DLGAP2: variants seen among roughly 807,000 people sequenced by gnomAD.
DLGAP2 encodes disks large-associated protein 2.
Under a neutral mutation model 100.3 loss-of-function variants are expected in DLGAP2, and 26 were observed. The observed-to-expected ratio is 0.26, with a 90% CI of 0.19 to 0.36. The LOEUF (loss-of-function observed/expected upper bound fraction) is 0.36, where lower values mean the gene tolerates loss of function less well. Among genes scored for constraint, DLGAP2 ranks in the 10% least tolerant of loss-of-function variants. The pLI is 1.00. For synonymous variants in DLGAP2, 886 were observed against 630.1 expected, an observed-to-expected ratio of 1.41 and a Z score of -6.08; for missense variants, 1,858 against 1,453.2, an observed-to-expected ratio of 1.28 and a Z score of -4.53.
intron 4 of DLGAP2, among the ~76,000 whole-genome samples, chr8:1,546,496 C>G (rs188477004): frequency 1.9e-4 from 29 of 152,358 alleles, no homozygotes; most frequent in African/African-American, 6.3e-4. Flanking sequence ...GCCCAGACGG[C>G]TGGCCGTCCT....
chr8:1,381,576 C>T (rs182819468), intron 3 of DLGAP2, among the ~76,000 whole-genome samples: 4 of 152,242 alleles, frequency 2.6e-5, no homozygotes, highest in African/African-American at 4.8e-5. Flanking sequence ...AGCATCTCCC[C>T]GTTCCGCTTT....
Position 921,716 on chromosome 8 carries a change from C to T in DLGAP2, c.73+13750C>T, listed in dbSNP as rs561121844. Among the ~76,000 whole-genome samples, 373 of 152,362 alleles carry T rather than the reference C, an allele frequency of 2.4e-3. 9 individuals carry two copies. The highest frequency in any genetic ancestry group is 6.2e-4 in the South Asian group (3 of 4,830). On this transcript the variant is annotated intron_variant, in intron 2 of 14. Transcript: ENST00000637795. ...CAGCCATCCTCCACCCAGGTGGCTG[C>T]GCTGCTCAGAGCAGGCTTCCCACTG...
At chr8:1,210,036 CTCG>C (rs1251788037) in intron 2 of DLGAP2, among the ~76,000 whole-genome samples, 1,613 of 152,322 alleles carry the variant, frequency 0.011, 30 homozygotes, top group African/African-American at 0.037. Flanking sequence ...AGTCATCCAC[CTCG>C]CCCCAGTGTC....
chr8:858,323 G>T (rs1797321270), intron 1 of DLGAP2, among the ~76,000 whole-genome samples: 1 of 152,260 alleles, frequency 6.6e-6, no homozygotes. Context: ...AAAGAAGCCT[G>T]TCGCAAAAGG....
chr8:1,223,521 G>A (rs779067542), intron 2 of DLGAP2, among the ~76,000 whole-genome samples: 5 of 152,324 alleles, frequency 3.3e-5, no homozygotes, highest in Non-Finnish European at 5.9e-5. Context: ...AAATATCATT[G>A]TATAAGAAGG....
chr8:1,306,074 CAAAA>C lies in DLGAP2; in HGVS notation c.106+47206_106+47209del, dbSNP rs61647224. Among the ~76,000 whole-genome samples, 56 of 116,412 alleles carry C rather than the reference CAAAA, an allele frequency of 4.8e-4. 1 individual carries two copies. Among genetic ancestry groups the C allele is most frequent in the Non-Finnish European group, 6.8e-4 (38 of 56,138 alleles). The allele number at this position is 116,412 out of a possible 152,430, so 76.4% of individuals were successfully genotyped here. On this transcript the variant is annotated intron_variant, in intron 3 of 14. Transcript: ENST00000637795. Reference sequence around the variant, plus strand: ...AGAAGTCCTAGACAGAGAAATTAGGCAAAAAAAAAAAAAAAAAAGAGAGAGGGAG... The same window carrying C: ...AGAAGTCCTAGACAGAGAAATTAGGCAAAAAAAAAAAAAAGAGAGAGGGAG...
intron 3 of DLGAP2, among the ~76,000 whole-genome samples, chr8:1,499,280 G>C (rs896747738): frequency 2.0e-5 from 3 of 152,198 alleles, no homozygotes; most frequent in Non-Finnish European, 2.9e-5. Context: ...ATTGCAACTG[G>C]GTGATGTTGG....
At chr8:1,305,433 G>C (rs1013789849) in intron 3 of DLGAP2, among the ~76,000 whole-genome samples, 3 of 152,138 alleles carry the variant, frequency 2.0e-5, no homozygotes, top group African/African-American at 7.2e-5. Flanking sequence ...CAGTTTTCAT[G>C]AGATGTAAAC....
intron 3 of DLGAP2, among the ~76,000 whole-genome samples, chr8:1,439,096 T>C (rs1377653519): frequency 6.6e-6 from 1 of 152,220 alleles, no homozygotes; most frequent in Admixed American, 6.5e-5. Flanking sequence ...CATGCTGGGC[T>C]GAGAAAGTGG....
At chr8:926,755 G>T (rs1185886686) in intron 2 of DLGAP2, among the ~76,000 whole-genome samples, 2 of 152,240 alleles carry the variant, frequency 1.3e-5, no homozygotes, top group Non-Finnish European at 2.9e-5. Flanking sequence ...CCAGGAGGAA[G>T]GATGAGGGTG....
At chr8:1,483,135 G>A (rs939413726) in intron 3 of DLGAP2, among the ~76,000 whole-genome samples, 11 of 152,192 alleles carry the variant, frequency 7.2e-5, no homozygotes, top group Non-Finnish European at 5.9e-5. Flanking sequence ...GAAGGGCAGC[G>A]GTGCACCGAG....
At chr8:1,416,299 C>CATGG (rs1465271638) in intron 3 of DLGAP2, among the ~76,000 whole-genome samples, 2 of 152,170 alleles carry the variant, frequency 1.3e-5, no homozygotes, top group African/African-American at 2.4e-5. Context: ...TCACGACGGC[C>CATGG]ATGGAAACCA....
chr8:1,681,224 C>A (rs915031862), intron 12 of DLGAP2, among the ~76,000 whole-genome samples: 1 of 152,184 alleles, frequency 6.6e-6, no homozygotes, highest in Non-Finnish European at 1.5e-5. Context: ...TTAGCCATTA[C>A]TGTGTTGATA....
At chr8:1,090,321 A>G (rs1425504284) in intron 2 of DLGAP2, among the ~76,000 whole-genome samples, 1 of 130,824 alleles carries the variant, frequency 7.6e-6, no homozygotes, top group Non-Finnish European at 1.8e-5. Context: ...CACACCGAGG[A>G]CCTGCTCCAT....
chr8:796,015 GAGAGCAGGCA>G (rs1563035179), intron 1 of DLGAP2, among the ~76,000 whole-genome samples: 1,236 of 146,454 alleles, frequency 8.4e-3, no homozygotes, highest in African/African-American at 9.5e-3. Context: ...GGCGTCCAGT[GAGAGCAGGCA>G]TCCAGTGAGA....
chr8:970,367 T>C (rs1433197174), intron 2 of DLGAP2, among the ~76,000 whole-genome samples: 2 of 152,228 alleles, frequency 1.3e-5, no homozygotes, highest in African/African-American at 2.4e-5. Context: ...ATTTTTTACA[T>C]AGCAAACCTA....
At chr8:1,190,878 G>C (rs1041366527) in intron 2 of DLGAP2, among the ~76,000 whole-genome samples, 2 of 152,148 alleles carry the variant, frequency 1.3e-5, no homozygotes, top group African/African-American at 4.8e-5. Context: ...TGGGGTCTGT[G>C]GCCGTTCAGT....
At chr8:1,049,748 GACAC>G (rs200883177) in intron 2 of DLGAP2, among the ~76,000 whole-genome samples, 8,990 of 152,042 alleles carry the variant, frequency 0.059, 858 homozygotes, top group African/African-American at 0.21. Flanking sequence ...CATGAACAGA[GACAC>G]ACAGACGGTG....
At chr8:857,710 C>G (rs1251008125) in intron 1 of DLGAP2, among the ~76,000 whole-genome samples, 3 of 152,148 alleles carry the variant, frequency 2.0e-5, no homozygotes, top group African/African-American at 4.8e-5. Context: ...GCAACGGGAA[C>G]TCTCATCCTC....
Sources: gnomAD v4.1 joint callset for allele counts (sites outside exome capture counted in the v4.1 genomes callset) on GRCh38, gnomAD v4.1.1 for gene constraint, MANE v1.5 for transcripts, NCBI Gene and HGNC (gene_info 2026-07-23, HGNC 2026-07-21) for gene names.